PDE1A: variants seen among roughly 807,000 people sequenced by gnomAD.
The protein encoded by PDE1A is dual specificity calcium/calmodulin-dependent 3',5'-cyclic nucleotide phosphodiesterase 1A.
Under a neutral mutation model 61.7 loss-of-function variants are expected in PDE1A, and 35 were observed. That is an observed-to-expected ratio of 0.57 (90% CI 0.43 to 0.75). PDE1A has a LOEUF of 0.75. Ranked by LOEUF, PDE1A falls within the 30% of genes least tolerant of loss-of-function variation. The pLI, the probability that PDE1A is intolerant of heterozygous loss-of-function variation, is 0.00. For synonymous variants in PDE1A, 232 were observed against 213.2 expected, an observed-to-expected ratio of 1.09 and a Z score of -0.77; for missense variants, 597 against 630.6, an observed-to-expected ratio of 0.95 and a Z score of 0.57.
the PDE1A span, among the ~76,000 whole-genome samples, chr2:182,532,960 A>C: frequency 6.7e-6 from 1 of 149,208 alleles, no homozygotes; most frequent in Non-Finnish European, 1.5e-5. Context: ...AAAAAAAAAA[A>C]AAAAAAAAAA....
chr2:182,257,465 A>G (rs1691904946), intron 2 of PDE1A, among the ~76,000 whole-genome samples: 1 of 152,224 alleles, frequency 6.6e-6, no homozygotes, highest in Admixed American at 6.5e-5. Flanking sequence ...GTTACACTAA[A>G]AAAAGTAAGG....
the PDE1A span, among the ~76,000 whole-genome samples, chr2:182,633,821 T>C: frequency 9.9e-5 from 15 of 152,082 alleles, no homozygotes; most frequent in Non-Finnish European, 1.9e-4. Context: ...CAGTGGCTCA[T>C]GACAGTAATC....
the PDE1A span, among the ~76,000 whole-genome samples, chr2:182,629,103 C>T: frequency 3.3e-5 from 5 of 152,076 alleles, no homozygotes; most frequent in African/African-American, 7.2e-5. Flanking sequence ...AGCCAACAGC[C>T]GGTAAGAAGC....
intron 2 of PDE1A, among the ~76,000 whole-genome samples, chr2:182,462,215 T>C (rs2125769663): frequency 6.6e-6 from 1 of 151,906 alleles, no homozygotes. Flanking sequence ...AATGACGAGT[T>C]AATGGGTGCA....
At chr2:182,265,959 A>G (rs999113641) in intron 1 of PDE1A, among the ~76,000 whole-genome samples, 2 of 152,078 alleles carry the variant, frequency 1.3e-5, no homozygotes, top group Non-Finnish European at 2.9e-5. Flanking sequence ...ATTTTGGATA[A>G]TTTTCAATGC....
At chr2:182,306,052 C>T (rs1298760918) in intron 1 of PDE1A, among the ~76,000 whole-genome samples, 1 of 152,094 alleles carries the variant, frequency 6.6e-6, no homozygotes, top group Non-Finnish European at 1.5e-5. Context: ...CACCCCCAGC[C>T]TCTGGTAACC....
the PDE1A span, among the ~76,000 whole-genome samples, chr2:182,591,861 C>A: frequency 6.6e-6 from 1 of 152,200 alleles, no homozygotes; most frequent in Admixed American, 6.5e-5. Context: ...ACATCTTGAG[C>A]ATTCTCATTC....
At chr2:182,238,565 T>C (rs914863023) in intron 3 of PDE1A, among the ~76,000 whole-genome samples, 2 of 152,202 alleles carry the variant, frequency 1.3e-5, no homozygotes, top group African/African-American at 4.8e-5. Flanking sequence ...AGACTTCAAG[T>C]AGACTTTCAG....
At chr2:182,195,734 G>A (rs537025961) in intron 10 of PDE1A, among the ~76,000 whole-genome samples, 52 of 152,118 alleles carry the variant, frequency 3.4e-4, no homozygotes, top group African/African-American at 1.2e-3. Flanking sequence ...TTCACTGTCC[G>A]AGATGAAAAA....
chr2:182,555,333 GAAGT>G, the PDE1A span, among the ~76,000 whole-genome samples: 7 of 152,258 alleles, frequency 4.6e-5, no homozygotes, highest in Non-Finnish European at 2.9e-5. Flanking sequence ...TTTGATAATA[GAAGT>G]AAGATAACAG....
chr2:182,695,484 G>T, the PDE1A span, among the ~76,000 whole-genome samples: 1 of 151,938 alleles, frequency 6.6e-6, no homozygotes, highest in Non-Finnish European at 1.5e-5. Flanking sequence ...GGCTAACACG[G>T]TGAAACTCCG....
chr2:182,377,153 A>G (rs1054114179), intron 1 of PDE1A, among the ~76,000 whole-genome samples: 10 of 152,226 alleles, frequency 6.6e-5, no homozygotes, highest in African/African-American at 2.4e-4. Flanking sequence ...CCCAAATCTC[A>G]TGTCGAATTG....
chr2:182,329,624 C>G (rs1441066243), intron 1 of PDE1A, among the ~76,000 whole-genome samples: 1 of 152,154 alleles, frequency 6.6e-6, no homozygotes. Context: ...CTCTTGACAT[C>G]AGGTGATCCA....
At chr2:182,447,222 C>G (rs1685200189) in intron 2 of PDE1A, among the ~76,000 whole-genome samples, 1 of 151,464 alleles carries the variant, frequency 6.6e-6, no homozygotes, top group South Asian at 2.1e-4. Context: ...CTCATTATTC[C>G]TAGATAATGT....
At chr2:182,527,943 A>G (rs1296639862), upstream of PDE1A, among the ~76,000 whole-genome samples, 2 of 152,134 alleles carry the variant, frequency 1.3e-5, no homozygotes, top group African/African-American at 2.4e-5. Context: ...CTCCCCAGCC[A>G]TGTGGAACTG....
chr2:182,220,196 C>A (rs939324332), intron 7 of PDE1A, among the ~76,000 whole-genome samples: 2 of 151,910 alleles, frequency 1.3e-5, no homozygotes, highest in Non-Finnish European at 2.9e-5. Context: ...AATAATCATA[C>A]CTCAATATAC....
the PDE1A span, among the ~76,000 whole-genome samples, chr2:182,627,169 A>AT: frequency 0.07 from 1,455 of 20,906 alleles, 181 homozygotes; most frequent in African/African-American, 0.15. Flanking sequence ...AAATATAAAT[A>AT]ATATTTATAT....
chr2:182,336,010 T>C (rs1697782088), intron 1 of PDE1A, among the ~76,000 whole-genome samples: 1 of 151,960 alleles, frequency 6.6e-6, no homozygotes, highest in African/African-American at 2.4e-5. Context: ...AACAAACATA[T>C]GAAAAAAAGC....
At chr2:182,350,353 T>C (rs947130547) in intron 1 of PDE1A, among the ~76,000 whole-genome samples, 3 of 152,212 alleles carry the variant, frequency 2.0e-5, no homozygotes, top group African/African-American at 7.2e-5. Context: ...GATGAATGTA[T>C]GCATTTCTAT....
Sources: gnomAD v4.1 joint callset for allele counts (sites outside exome capture counted in the v4.1 genomes callset) on GRCh38, gnomAD v4.1.1 for gene constraint, MANE v1.5 for transcripts, NCBI Gene and HGNC (gene_info 2026-07-23, HGNC 2026-07-21) for gene names.